The following TPRG1 variants were observed in gnomAD, a reference collection of about 807,000 sequenced individuals.
The protein encoded by TPRG1 is tumor protein p63-regulated gene 1 protein.
TPRG1 carries 29 observed loss-of-function variants against 29.3 expected under a neutral mutation model. The ratio of observed to expected loss-of-function variants is 0.99; its 90% CI spans 0.74 to 1.35. The LOEUF (loss-of-function observed/expected upper bound fraction) is 1.35, where lower values mean the gene tolerates loss of function less well. Among genes scored for constraint, TPRG1 ranks in the 40% most tolerant of loss-of-function variants. TPRG1 has a pLI of 0.00. For synonymous variants in TPRG1, 130 were observed against 116.8 expected (o/e 1.11, Z -0.73); for missense variants, 327 against 335.0 (o/e 0.98, Z 0.19).
intron 4 of TPRG1, among the ~76,000 whole-genome samples, chr3:189,292,917 G>A (rs1719255317): frequency 1.3e-5 from 2 of 152,068 alleles, no homozygotes; most frequent in South Asian, 4.2e-4. Context: ...GATGAGAGGG[G>A]CCTCTGCAGG....
At chr3:189,279,308 A>G (rs535650124) in intron 4 of TPRG1, among the ~76,000 whole-genome samples, 2 of 152,194 alleles carry the variant, frequency 1.3e-5, no homozygotes, top group Non-Finnish European at 2.9e-5. Flanking sequence ...TCAACTTTCT[A>G]TGCATGATTC....
chr3:189,008,193 G>A (rs898463016), intron 3 of TPRG1, among the ~76,000 whole-genome samples: 4 of 152,054 alleles, frequency 2.6e-5, no homozygotes, highest in African/African-American at 9.7e-5. Context: ...TGTGAGTGGT[G>A]AGAGGGGCCA....
At chr3:189,080,243 T>G (rs1486594130) in intron 4 of TPRG1, among the ~76,000 whole-genome samples, 1 of 152,048 alleles carries the variant, frequency 6.6e-6, no homozygotes, top group African/African-American at 2.4e-5. Context: ...GTCATTTCTG[T>G]GACAGAAATG....
chr3:189,187,134 G>GC (rs1560527256), intron 1 of TPRG1, among the ~76,000 whole-genome samples: 1 of 151,236 alleles, frequency 6.6e-6, no homozygotes, highest in African/African-American at 2.4e-5. Flanking sequence ...TCACAGATTC[G>GC]CACCACCACA....
At chr3:189,248,466 C>T (rs945786956) in intron 4 of TPRG1, among the ~76,000 whole-genome samples, 4 of 151,078 alleles carry the variant, frequency 2.6e-5, no homozygotes, top group African/African-American at 9.7e-5. Flanking sequence ...TCATTATTTT[C>T]TACATTTATC....
At chr3:189,037,458 C>T (rs191935102) in intron 4 of TPRG1, among the ~76,000 whole-genome samples, 6 of 151,874 alleles carry the variant, frequency 4.0e-5, no homozygotes, top group Admixed American at 1.3e-4. Context: ...TACAACTTTT[C>T]ACAAAATCAG....
At chr3:189,089,492 T>C (rs1718195866) in intron 4 of TPRG1, among the ~76,000 whole-genome samples, 1 of 152,222 alleles carries the variant, frequency 6.6e-6, no homozygotes, top group Non-Finnish European at 1.5e-5. Flanking sequence ...TCATGAAATA[T>C]CTGGAACTGG....
intron 1 of TPRG1, chr3:189,121,600 T>G (rs1254622963): frequency 6.6e-6 from 1 of 152,246 alleles, no homozygotes; most frequent in African/African-American, 2.4e-5. Context: ...CTGCTATTAC[T>G]GGAATTATTT....
At chr3:189,213,427 T>C (rs200559862) in intron 2 of TPRG1, among the ~76,000 whole-genome samples, 1 of 152,162 alleles carries the variant, frequency 6.6e-6, no homozygotes, top group African/African-American at 2.4e-5. Context: ...AATAGTAAGA[T>C]AGGGGAGAGT....
At chr3:189,293,191 A>G (rs547275695) in intron 4 of TPRG1, among the ~76,000 whole-genome samples, 1 of 152,306 alleles carries the variant, frequency 6.6e-6, no homozygotes, top group South Asian at 2.1e-4. Flanking sequence ...CCCAGGTTAT[A>G]AATGAGATGA....
intron 3 of TPRG1, among the ~76,000 whole-genome samples, chr3:189,020,997 G>A (rs1234972429): frequency 6.8e-6 from 1 of 148,116 alleles, no homozygotes; most frequent in Admixed American, 6.8e-5. Context: ...GGCCTTCTTT[G>A]TCTCTTTTGA....
At chr3:189,125,339 C>T (rs547003602) in intron 1 of TPRG1, among the ~76,000 whole-genome samples, 7 of 152,030 alleles carry the variant, frequency 4.6e-5, no homozygotes, top group Admixed American at 2.6e-4. Flanking sequence ...GTTAACCTCC[C>T]GTATTGTTTT....
chr3:189,228,983 G>A (rs544043478), intron 3 of TPRG1, among the ~76,000 whole-genome samples: 2 of 152,088 alleles, frequency 1.3e-5, no homozygotes, highest in African/African-American at 2.4e-5. Context: ...CAATAAAGAA[G>A]TAAAAGCTAA....
chr3:189,312,631 A>C (rs184919766), intron 5 of TPRG1, among the ~76,000 whole-genome samples: 1 of 152,334 alleles, frequency 6.6e-6, no homozygotes, highest in East Asian at 1.9e-4. Context: ...GGAATTAAAG[A>C]ACAAGTTTTA....
chr3:189,175,465 G>C (rs1023431684), intron 1 of TPRG1, among the ~76,000 whole-genome samples: 3 of 152,188 alleles, frequency 2.0e-5, no homozygotes, highest in Non-Finnish European at 4.4e-5. Context: ...GCAGGCTCAG[G>C]GTTTCAGATC....
chr3:189,022,584 C>T (rs1001015900), intron 3 of TPRG1, among the ~76,000 whole-genome samples: 31 of 150,522 alleles, frequency 2.1e-4, no homozygotes, highest in South Asian at 6.4e-4. Flanking sequence ...AGGCAGTCTG[C>T]CCGTTCTCAG....
chr3:189,040,275 C>T (rs1274313469), intron 4 of TPRG1, among the ~76,000 whole-genome samples: 1 of 152,186 alleles, frequency 6.6e-6, no homozygotes, highest in East Asian at 1.9e-4. Context: ...ACTCCTTAGA[C>T]ATTTAGGAAA....
intron 4 of TPRG1, among the ~76,000 whole-genome samples, chr3:189,089,718 C>T (rs1307717806): frequency 6.6e-6 from 1 of 152,132 alleles, no homozygotes; most frequent in African/African-American, 2.4e-5. Flanking sequence ...AATGCACTAA[C>T]CCATTAACCT....
chr3:189,191,496 C>T (rs1055292823), intron 1 of TPRG1, among the ~76,000 whole-genome samples: 1 of 152,122 alleles, frequency 6.6e-6, no homozygotes, highest in African/African-American at 2.4e-5. Context: ...TTCCTGGCAT[C>T]TTGTAGAACA....
Sources: allele counts gnomAD v4.1 joint callset (sites outside exome capture counted in the v4.1 genomes callset), GRCh38; gene constraint gnomAD v4.1.1; transcripts MANE v1.5; gene names NCBI Gene and HGNC (gene_info 2026-07-23, HGNC 2026-07-21).